TCF20: variants seen among roughly 807,000 people sequenced by gnomAD.
The protein encoded by TCF20 is transcription factor 20.
In TCF20, 3 loss-of-function variants were observed where a neutral mutation model predicts 148.6. The observed-to-expected ratio is 0.02, with a 90% CI of 0.01 to 0.05. TCF20 has a LOEUF of 0.05. Among genes scored for constraint, TCF20 ranks in the 10% least tolerant of loss-of-function variants. The pLI, the probability that TCF20 is intolerant of heterozygous loss-of-function variation, is 1.00. For synonymous variants in TCF20, 1,049 were observed against 909.5 expected (o/e 1.15, Z -2.76); for missense variants, 2,350 against 2,429.3 (o/e 0.97, Z 0.69).
At chr22:42,205,239 G>A (rs1199740785) in intron 2 of TCF20, among the ~76,000 whole-genome samples, 2 of 149,340 alleles carry the variant, frequency 1.3e-5, no homozygotes, top group Non-Finnish European at 3.0e-5. Flanking sequence ...AGAAGCAAAG[G>A]GGACTTGTGC....
intron 2 of TCF20, among the ~76,000 whole-genome samples, chr22:42,207,863 G>A (rs5751242): frequency 0.054 from 8,174 of 151,994 alleles, 490 homozygotes; most frequent in East Asian, 0.33. Context: ...TAACAAGAAA[G>A]AGAAAATAGG....
Position 42,214,354 on chromosome 22 carries a change from G to T in TCF20, c.952C>A (p.Pro318Thr), listed in dbSNP as rs766818827. 2.6e-5 allele frequency: 42 copies of T among 1,614,228 alleles called. No homozygotes were observed. Among genetic ancestry groups the T allele is most frequent in the Middle Eastern group, 3.3e-4 (2 of 6,062 alleles). ...GTQQGQQQQQ[P>T]QQQQHPSQHV... ...TGAGAAGGGTGTTGTTGTTGCTGCG[G>T]TTGCTGCTGCTGCTGCCCCTGTTGG... The change falls in exon 2 of 6, where the codon CCG becomes ACG. Residue 318 changes from proline (P) to threonine (T), a missense_variant. Pro to Thr is a conservative substitution (Grantham distance 38, BLOSUM62 -1). Coordinates refer to ENST00000677622, the MANE Select transcript of TCF20 (RefSeq NM_001378418.1).
chr22:42,315,865 G>A (rs1927620176), intron 1 of TCF20, among the ~76,000 whole-genome samples: 1 of 152,160 alleles, frequency 6.6e-6, no homozygotes, highest in Non-Finnish European at 1.5e-5. Flanking sequence ...TGTAATCCCA[G>A]CACTTTGGGA....
intron 1 of TCF20, among the ~76,000 whole-genome samples, chr22:42,235,616 T>C (rs1923818319): frequency 6.6e-6 from 1 of 152,248 alleles, no homozygotes; most frequent in South Asian, 2.1e-4. Context: ...ATTTGTTTTC[T>C]ATTGATTCTT....
chr22:42,243,236 G>C lies in TCF20; in HGVS notation c.-37+27103C>G, dbSNP rs1325051424. Among the ~76,000 whole-genome samples the C allele has an allele frequency of 8.0e-5, 11 of 136,902 alleles. No homozygotes were observed. In the Admixed American group the frequency reaches 9.1e-4, roughly 11 times the overall value. 89.8% of individuals were successfully genotyped at this position (136,902 alleles called of 152,430 possible). A position where few individuals can be genotyped will look rare whatever the true frequency, so the allele number is the denominator to read the frequency against. On this transcript the variant is annotated intron_variant, in intron 1 of 5. Transcript: ENST00000677622. ...TCTCACCTGAATCCAGCAGCTCAAGGTTACTGCGAGCTATGATTGTACCAC... is the reference window on the plus strand; with the variant it reads ...TCTCACCTGAATCCAGCAGCTCAAGCTTACTGCGAGCTATGATTGTACCAC...
chr22:42,209,721 G>C lies in TCF20; in HGVS notation c.5585C>G (p.Ala1862Gly). Reference sequence around the variant, plus strand: ...GCCACAAACCAGGTAGATTCCATTGGCCCAGAGAATACAACCCTCATGGAC... The same window carrying C: ...GCCACAAACCAGGTAGATTCCATTGCCCCAGAGAATACAACCCTCATGGAC... ...FWVHEGCILW[A>G]NGIYLVCGRL... Residue 1862 changes from alanine to glycine, a missense_variant, in exon 2 of 6, where the codon GCC (alanine) becomes GGC (glycine). By Grantham distance (60) the Ala-to-Gly change is moderately conservative (BLOSUM62 0). This residue lies in a region of TCF20 where 374 missense variants were observed against 398.3 expected (regional missense o/e 0.94). Transcript: ENST00000677622. 2.5e-6 allele frequency: 4 copies of C among 1,614,154 alleles called. No homozygotes were observed. The highest frequency in any genetic ancestry group is 3.4e-6 in the Non-Finnish European group (4 of 1,180,036).
Position 42,212,395 on chromosome 22 carries a change from T to C in TCF20, c.2911A>G (p.Thr971Ala), listed in dbSNP as rs1921060916. The C allele has an allele frequency of 6.2e-7, 1 of 1,614,240 alleles. No individual in the cohort carries two copies. The highest frequency in any genetic ancestry group is 8.5e-7 in the Non-Finnish European group (1 of 1,180,038). ...CCATAGTCTGAAAGGGAATCATGGGTTGCTGCTCCAGGGCTGGCATTGCCG... is the reference window on the plus strand; with the variant it reads ...CCATAGTCTGAAAGGGAATCATGGGCTGCTGCTCCAGGGCTGGCATTGCCG... ...YRGNASPGAA[T>A]HDSLSDYGPQ... Residue 971 changes from threonine (T) to alanine (A), a missense_variant, in exon 2 of 6, where the codon ACC becomes GCC. Physicochemically the swap from Thr to Ala is moderately conservative, Grantham distance 58. Coordinates refer to ENST00000677622, the MANE Select transcript of TCF20 (RefSeq NM_001378418.1).
In TCF20 at chr22:42,170,850, C is replaced by T. The variant is rs915711802; in HGVS notation, c.5750-954G>A. Among the ~76,000 whole-genome samples the T allele has an allele frequency of 2.9e-4, 44 of 152,118 alleles. 1 individual carries two copies. The highest frequency in any genetic ancestry group is 9.6e-4 in the African/African-American group (40 of 41,458). ...TTGTAAAAACACTTTAAAATCTAGA[C>T]GCGTATTTTCTTCTCTGTACAGAGA... On this transcript the variant is annotated intron_variant, in intron 3 of 5. Transcript: ENST00000677622.
At chr22:42,239,414 T>G (rs1173042309) in intron 1 of TCF20, among the ~76,000 whole-genome samples, 3 of 150,460 alleles carry the variant, frequency 2.0e-5, no homozygotes, top group Non-Finnish European at 4.4e-5. Context: ...AGGCGGAGAT[T>G]GCAGTGAGCC....
At chr22:42,246,840 C>A (rs969723246) in intron 1 of TCF20, among the ~76,000 whole-genome samples, 2 of 151,754 alleles carry the variant, frequency 1.3e-5, no homozygotes, top group Admixed American at 6.6e-5. Flanking sequence ...GTGGCGGGTG[C>A]CTGTAATCCC....
In TCF20 at chr22:42,213,428, G is replaced by A. The variant is rs1921259638; in HGVS notation, c.1878C>T (p.Gly626=). The A allele has an allele frequency of 3.7e-6, 6 of 1,614,068 alleles. No homozygotes were observed. The African/African-American group carries it at 5.3e-5, about 14-fold the overall frequency. The change falls in exon 2 of 6, where the codon GGC becomes GGT. Residue 626 remains glycine (G), a synonymous_variant. Transcript: ENST00000677622. ...RVEKPGGQDK[G]SQEDDPAATQ... is the part of the protein sequence containing the mutation. Reference sequence around the variant, plus strand: ...TGGCTGCAGGATCATCCTCTTGGGAGCCTTTATCTTGTCCACCAGGCTTTT... The same window carrying A: ...TGGCTGCAGGATCATCCTCTTGGGAACCTTTATCTTGTCCACCAGGCTTTT...
rs757025977 is a variant in TCF20, at chr22:42,209,944, G to A, written c.5362C>T (p.Arg1788Trp). Residue 1788 changes from arginine (R) to tryptophan (W), a missense_variant, in exon 2 of 6, where the codon CGG (arginine) becomes TGG (tryptophan). Arg to Trp is a moderately radical substitution (Grantham distance 101). This residue lies in a region of TCF20 where 374 missense variants were observed against 398.3 expected (regional missense o/e 0.94). Transcript: ENST00000677622. ...RSLAAHPRFKRRHRSEDCGGG... is the reference protein window; with the variant it reads ...RSLAAHPRFKWRHRSEDCGGG... ...CCACAGTCTTCCGAGCGGTGGCGCC[G>A]CTTAAACCTGGGGTGTGCGGCCAGG... 10 of 1,613,866 alleles carry A rather than the reference G, an allele frequency of 6.2e-6. No individual in the cohort carries two copies. Among genetic ancestry groups the A allele is most frequent in the South Asian group, 3.3e-5 (3 of 91,064 alleles).
At chr22:42,339,729 C>G (rs1928130641) in intron 1 of TCF20, among the ~76,000 whole-genome samples, 1 of 152,248 alleles carries the variant, frequency 6.6e-6, no homozygotes, top group Non-Finnish European at 1.5e-5. Flanking sequence ...TTCAATCATC[C>G]CAGGAGGTGG....
At chr22:42,199,506 C>G (rs1937839079) in intron 2 of TCF20, among the ~76,000 whole-genome samples, 1 of 152,028 alleles carries the variant, frequency 6.6e-6, no homozygotes, top group Non-Finnish European at 1.5e-5. Flanking sequence ...GACATGTGCT[C>G]TTTCTCAGTG....
At chr22:42,163,070 C>T (rs1053761715) in intron 5 of TCF20, among the ~76,000 whole-genome samples, 9 of 152,294 alleles carry the variant, frequency 5.9e-5, no homozygotes, top group East Asian at 1.9e-4. Context: ...AATGCCCACA[C>T]GTACCCTGCC....
intron 2 of TCF20, among the ~76,000 whole-genome samples, chr22:42,193,657 GATTTC>G (rs1304054136): frequency 6.6e-6 from 1 of 152,106 alleles, no homozygotes; most frequent in African/African-American, 2.4e-5. Context: ...TGTTAGGACA[GATTTC>G]ATTTATCCAA....
At chr22:42,205,600 C>A (rs980109080) in intron 2 of TCF20, among the ~76,000 whole-genome samples, 4 of 152,174 alleles carry the variant, frequency 2.6e-5, no homozygotes, top group Non-Finnish European at 5.9e-5. Context: ...CTCAAAGTAT[C>A]CTGGACAATT....
chr22:42,205,482 T>G (rs1938323413), intron 2 of TCF20, among the ~76,000 whole-genome samples: 1 of 151,998 alleles, frequency 6.6e-6, no homozygotes, highest in African/African-American at 2.4e-5. Flanking sequence ...GGATCTCTAA[T>G]GAAATATATG....
At position 42,242,215 on chromosome 22, in the gene TCF20, A is replaced by AC; in HGVS notation, c.-36-26875_-36-26874insG. ...GAGACTTCGCCTCAAAAAAAAAAAA[A>AC]AAAAAAAAAAAACAGAAAAGAAAGG... On this transcript the variant is annotated intron_variant, in intron 1 of 5. Transcript: ENST00000677622. 1.3e-5 allele frequency among the ~76,000 whole-genome samples: 2 copies of AC among 149,810 alleles called. 1 individual carries two copies. The highest frequency in any genetic ancestry group is 4.2e-4 in the South Asian group (2 of 4,766).
Sources: gnomAD v4.1 joint callset for allele counts (sites outside exome capture counted in the v4.1 genomes callset) on GRCh38, gnomAD v4.1.1 for gene constraint, gnomAD v4.1.1 regional missense constraint, MANE v1.5 for transcripts, NCBI Gene and HGNC (gene_info 2026-07-23, HGNC 2026-07-21) for gene names.